MSL1: variants seen among roughly 807,000 people sequenced by gnomAD.
The protein encoded by MSL1 is MSL complex subunit 1.
MSL1 carries 21 observed loss-of-function variants against 64.6 expected under a neutral mutation model. The ratio of observed to expected loss-of-function variants is 0.33; its 90% confidence interval spans 0.23 to 0.47. The LOEUF (loss-of-function observed/expected upper bound fraction) is 0.47, where lower values mean the gene tolerates loss of function less well. Among genes scored for constraint, MSL1 ranks in the 20% least tolerant of loss-of-function variants. The pLI, the probability that MSL1 is intolerant of heterozygous loss-of-function variation, is 1.00. For missense variants in MSL1, 664 were observed against 793.2 expected, an observed-to-expected ratio of 0.84 and a Z score of 1.96; for synonymous variants, 339 against 329.6, an observed-to-expected ratio of 1.03 and a Z score of -0.31.
chr17:40,123,515 G>C (rs1179579089), intron 1 of MSL1, 135 bp downstream of exon 1: 2 of 788,178 alleles, frequency 2.5e-6, no homozygotes, highest in Non-Finnish European at 2.0e-6. Context: ...GAGTATCTTA[G>C]GCGCTGGGTC....
rs1206916436 is a variant in MSL1 at position 40,133,555 on chromosome 17, G to A, written c.1578G>A (p.Arg526=). The A allele has an allele frequency of 2.5e-6, 4 of 1,611,504 alleles. No homozygotes were observed. The South Asian group carries it at 4.4e-5, about 18-fold the overall frequency. ...RRKRWDIQRI[R]EQRILQRLQL... is the part of the protein sequence containing the mutation. ...CCAGATGGGATATTCAGAGGATCAG[G>A]GAACAAAGAATTTTACAGCGACTGC... Residue 526 remains arginine (R), a synonymous_variant, in exon 7 of 9, where the codon AGG becomes AGA. Transcript: ENST00000398532.
rs1235004824 is a variant in MSL1, at chr17:40,126,331, C to G, written c.917C>G (p.Pro306Arg). The stretch of plus-strand genomic sequence containing the variant: ...GAGAAAATTAAACTGGAGTGCCAGC[C>G]GGAGCTTTCCGAGACATCCCAGACT... ...LSEKIKLECQ[P>R]ELSETSQTLP... The change falls in exon 2 of 9, where the codon CCG becomes CGG. Residue 306 changes from proline (P) to arginine (R), a missense_variant. Coordinates refer to ENST00000398532, the MANE Select transcript of MSL1 (RefSeq NM_001365919.1). The G allele has an allele frequency of 6.2e-7, 1 of 1,613,820 alleles. No homozygotes were observed.
intron 6 of MSL1, 158 bp from the exon 7 acceptor site, chr17:40,133,376 G>T: frequency 1.1e-6 from 1 of 932,566 alleles, no homozygotes; most frequent in Non-Finnish European, 1.6e-6. Context: ...GACCTAAACA[G>T]CTCTCCCTTA....
intron 1 of MSL1, 70 bp from the exon 2 acceptor site, chr17:40,126,113 A>G: frequency 7.2e-7 from 1 of 1,392,716 alleles, no homozygotes; most frequent in South Asian, 1.2e-5. Context: ...CTGATTCCTA[A>G]ATGGGGCTAA....
At position 40,122,239 on chromosome 17, in the gene MSL1, A is replaced by AG. The variant is rs1399181139; in HGVS notation, c.-367dup. On this transcript the variant is annotated 5_prime_UTR_variant, in exon 1 of 9. Transcript: ENST00000398532. The surrounding 1 kb of genome is among the most constrained non-coding windows in gnomAD (Gnocchi z 4.2). ...CCGGGGCGGGGGGCCGGGGCGGGGA[A>AG]GGGGGGGTGCGGGGTGGGGAGACGA... 1.0e-4 allele frequency: 2 copies of AG among 19,682 alleles called. No individual in the cohort carries two copies. Among genetic ancestry groups the AG allele is most frequent in the African/African-American group, 4.0e-4 (2 of 5,022 alleles). The allele number at this position is 19,682 out of a possible 1,614,324, so 1.2% of individuals were successfully genotyped here.
intron 5 of MSL1, 69 bp downstream of exon 5, chr17:40,132,167 A>G: frequency 1.8e-6 from 2 of 1,108,340 alleles, no homozygotes; most frequent in South Asian, 2.7e-5. Flanking sequence ...ATAACTGGAA[A>G]ATGTCATAGT....
intron 5 of MSL1, 65 bp downstream of exon 5, chr17:40,132,163 G>C: frequency 8.6e-7 from 1 of 1,163,696 alleles, no homozygotes; most frequent in Non-Finnish European, 1.2e-6. Context: ...GGGTATAACT[G>C]GAAAATGTCA....
intron 3 of MSL1, among the ~76,000 whole-genome samples, chr17:40,130,462 T>G (rs940650716): frequency 6.6e-6 from 1 of 152,068 alleles, no homozygotes; most frequent in African/African-American, 2.4e-5. Context: ...TTCAATCATG[T>G]AATATTAGTC....
chr17:40,133,489 C>T lies in MSL1; in HGVS notation c.1557-45C>T, dbSNP rs370880076. 69 of 1,579,106 alleles carry T rather than the reference C, an allele frequency of 4.4e-5. 1 individual carries two copies. In the Middle Eastern group the frequency reaches 3.1e-3, roughly 71 times the overall value. On this transcript the variant is annotated intron_variant, in intron 6 of 8. Transcript: ENST00000398532. ...TTTTATAGAGCAGGTTTTGGGTAAA[C>T]AGTAATGTTGGGTTTCTTTGTTTTG...
chr17:40,126,804 C>CAAAAA, intron 2 of MSL1: 1 of 104,496 alleles, frequency 9.6e-6, no homozygotes, highest in Non-Finnish European at 2.1e-5. Context: ...GAGACTCCGT[C>CAAAAA]AAAAAAAAAA....
chr17:40,133,910 A>C lies in MSL1; in HGVS notation c.1754+11A>C, dbSNP rs377095062. The C allele has an allele frequency of 6.2e-6, 10 of 1,610,442 alleles. No homozygotes were observed. Among genetic ancestry groups the C allele is most frequent in the African/African-American group, 4.0e-5 (3 of 74,754 alleles). On this transcript the variant is annotated intron_variant, in intron 8 of 8. Coordinates refer to ENST00000398532, the MANE Select transcript of MSL1 (RefSeq NM_001365919.1). ...AAAATTAACTCCACAGTAAGTATAC[A>C]TTTTTTTTCTCCCCTTCCAGGTAAC... is the stretch of plus-strand genomic sequence containing the variant.
intron 1 of MSL1, among the ~76,000 whole-genome samples, chr17:40,124,330 TCTCCCTCCCTCTTC>T (rs1394147035): frequency 6.6e-6 from 1 of 151,920 alleles, no homozygotes; most frequent in Non-Finnish European, 1.5e-5. Context: ...TCTCTCCCTC[TCTCCCTCCCTCTTC>T]CTCCCTCCCT....
In MSL1 at chr17:40,125,453, T is replaced by C. The variant is rs2030380; in HGVS notation, c.769-730T>C. Among the ~76,000 whole-genome samples, 1,370 of 152,322 alleles carry C rather than the reference T, an allele frequency of 9.0e-3. 21 individuals carry two copies. Among genetic ancestry groups the C allele is most frequent in the African/African-American group, 0.032 (1,313 of 41,562 alleles). On this transcript the variant is annotated intron_variant, in intron 1 of 8. Transcript: ENST00000398532. ...TCTCAATGTACTGTTTGCACTTTGC[T>C]GTTGTGTATAGAGCTTTGGAGTAGA...
At chr17:40,126,664 C>T (rs1380902606) in intron 2 of MSL1, 16 of 376,040 alleles carry the variant, frequency 4.3e-5, no homozygotes, top group Admixed American at 1.7e-4. Flanking sequence ...AAAAATTAGC[C>T]GGGCGTGATG....
chr17:40,131,943 G>C lies in MSL1; in HGVS notation c.1424-91G>C. On this transcript the variant is annotated intron_variant, in intron 4 of 8. Coordinates refer to ENST00000398532, the MANE Select transcript of MSL1 (RefSeq NM_001365919.1). The surrounding 1 kb of genome is among the most constrained non-coding windows in gnomAD (Gnocchi z 4.5). Reference sequence around the variant, plus strand: ...GGTAACTTTGTCTCTTCTGGGGAGAGACCTCTTATCCTAGTGAATAGTTGT... The same window carrying C: ...GGTAACTTTGTCTCTTCTGGGGAGACACCTCTTATCCTAGTGAATAGTTGT... The C allele has an allele frequency of 1.1e-6, 1 of 905,138 alleles. No homozygotes were observed. Among genetic ancestry groups the C allele is most frequent in the African/African-American group, 1.7e-5 (1 of 60,088 alleles). The allele number at this position is 905,138 out of a possible 1,614,324, so 56.1% of individuals were successfully genotyped here. A position where few individuals can be genotyped will look rare whatever the true frequency, so the allele number is the denominator to read the frequency against.
intron 1 of MSL1, 116 bp downstream of exon 1, chr17:40,123,496 C>T: frequency 1.1e-6 from 1 of 941,438 alleles, no homozygotes; most frequent in Non-Finnish European, 1.6e-6. Flanking sequence ...AGGTTGGCCA[C>T]CGGCAAAGGA....
intron 2 of MSL1, 80 bp from the exon 3 acceptor site, chr17:40,129,162 ATTC>A (rs1337819800): frequency 4.1e-5 from 49 of 1,198,622 alleles, no homozygotes; most frequent in Non-Finnish European, 5.0e-5. Context: ...GAACCAGCTT[ATTC>A]TTTTGCTCCA....
rs1988235295 is a variant in MSL1, at chr17:40,123,326, G to C, written c.714G>C (p.Gln238His). The C allele has an allele frequency of 4.6e-6, 7 of 1,536,344 alleles. No individual in the cohort carries two copies. The highest frequency in any genetic ancestry group is 6.1e-6 in the Non-Finnish European group (7 of 1,146,904). Residue 238 changes from glutamine (Q) to histidine (H), a missense_variant, in exon 1 of 9, where the codon CAG becomes CAC. Gln to His is a conservative substitution (Grantham distance 24). Transcript: ENST00000398532. ...LQLDLIEQQQ[Q>H]QLQAKEKEIE... Reference sequence around the variant, plus strand: ...TGGACCTCATCGAACAGCAGCAGCAGCAGCTGCAGGCCAAGGAAAAGGAGA... The same window carrying C: ...TGGACCTCATCGAACAGCAGCAGCACCAGCTGCAGGCCAAGGAAAAGGAGA...
rs930414177 is a variant in MSL1, at chr17:40,135,699, G to A, written c.*1330G>A. 6.6e-6 allele frequency: 1 copy of A among 152,334 alleles called. No individual in the cohort carries two copies. The highest frequency in any genetic ancestry group is 1.5e-5 in the Non-Finnish European group (1 of 68,036). 9.4% of individuals were successfully genotyped at this position (152,334 alleles called of 1,614,324 possible). A position where few individuals can be genotyped will look rare whatever the true frequency, so the allele number is the denominator to read the frequency against. On this transcript the variant is annotated 3_prime_UTR_variant, in exon 9 of 9. Transcript: ENST00000398532. ...ATGGGATACCATTGTGGGAAGAGAA[G>A]AAAAGTTCCTCAGGGGCCTCCCACT...
Sources: allele counts gnomAD v4.1 joint callset (sites outside exome capture counted in the v4.1 genomes callset), GRCh38; gene constraint gnomAD v4.1.1; non-coding constraint Gnocchi (gnomAD v3.1); transcripts MANE v1.5; gene names NCBI Gene and HGNC (gene_info 2026-07-23, HGNC 2026-07-21).